TRMO: variants seen among roughly 807,000 people sequenced by gnomAD.
TRMO encodes tRNA (adenine(37)-N6)-methyltransferase.
A neutral mutation model predicts 37.2 loss-of-function variants in TRMO; 30 were observed. That is an observed-to-expected ratio of 0.81 (90% confidence interval 0.60 to 1.09). The LOEUF (loss-of-function observed/expected upper bound fraction) is 1.09, where lower values mean the gene tolerates loss of function less well. Among genes scored for constraint, TRMO ranks in the 50% least tolerant of loss-of-function variants. The probability of loss-of-function intolerance (pLI) is 0.00; values close to 1 mark genes in which losing one functional copy is unlikely to be tolerated. For synonymous variants in TRMO, 239 were observed against 199.4 expected (o/e 1.20, Z -1.67); for missense variants, 552 against 549.5 (o/e 1.00, Z -0.05).
downstream of TRMO, among the ~76,000 whole-genome samples, chr9:97,902,532 C>T (rs573702459): frequency 9.2e-5 from 14 of 152,242 alleles, no homozygotes; most frequent in African/African-American, 3.1e-4. Flanking sequence ...GAACTCCTGA[C>T]GTCAAATGAT....
At chr9:97,909,852 C>T (rs376231163) in intron 4 of TRMO, 108 bp downstream of exon 4, 2 of 781,016 alleles carry the variant, frequency 2.6e-6, no homozygotes, top group East Asian at 2.6e-5. Flanking sequence ...TCCTAAAAAC[C>T]AGTCATACTG....
At chr9:97,919,388 AAAG>A (rs1164345733) in intron 1 of TRMO, among the ~76,000 whole-genome samples, 1 of 152,020 alleles carries the variant, frequency 6.6e-6, no homozygotes, top group Admixed American at 6.5e-5. Flanking sequence ...AAAGAAAAGA[AAAG>A]AAAAGAGAAA....
chr9:97,914,751 T>C (rs1047108994), intron 2 of TRMO, among the ~76,000 whole-genome samples: 1 of 152,150 alleles, frequency 6.6e-6, no homozygotes, highest in Admixed American at 6.5e-5. Context: ...GAAGAAAACA[T>C]ACTTTTTTAA....
At chr9:97,913,145 G>A in intron 3 of TRMO, 1 of 475,996 alleles carries the variant, frequency 2.1e-6, no homozygotes, top group Non-Finnish European at 3.9e-6. Context: ...TGTGAAATTT[G>A]TGTTATTTCT....
Position 97,910,694 on chromosome 9 carries a change from A to C in TRMO, c.410-78T>G, listed in dbSNP as rs1826084947. 7 of 1,514,516 alleles carry C rather than the reference A, an allele frequency of 4.6e-6. No individual in the cohort carries two copies. The Admixed American group carries it at 1.1e-4, about 24-fold the overall frequency. The allele number at this position is 1,514,516 out of a possible 1,614,324, so 93.8% of individuals were successfully genotyped here. ...CAGTCACGCCCCAGAATCCTCTAAC[A>C]CTGTCTGCTTACGCCTCACTGCACT... On this transcript the variant is annotated intron_variant, in intron 3 of 4. Coordinates refer to ENST00000375119, the MANE Select transcript of TRMO (RefSeq NM_016481.5).
chr9:97,922,306 G>A (rs747848285), intron 1 of TRMO, 112 bp downstream of exon 1: 4 of 733,978 alleles, frequency 5.4e-6, no homozygotes, highest in Non-Finnish European at 9.1e-6. Context: ...GTAGGTAAAA[G>A]AATGACGCAC....
intron 1 of TRMO, among the ~76,000 whole-genome samples, chr9:97,919,091 T>C (rs948722679): frequency 2.0e-5 from 3 of 152,232 alleles, no homozygotes; most frequent in African/African-American, 7.2e-5. Context: ...TGTTCAAGTA[T>C]GTTTACAGGC....
downstream of TRMO, chr9:97,900,611 G>C (rs1463580553): frequency 5.8e-6 from 1 of 172,698 alleles, no homozygotes; most frequent in Non-Finnish European, 1.2e-5. Flanking sequence ...ACTCAGGCCA[G>C]ACTGGTGGGT....
chr9:97,902,344 A>G (rs1825692702), downstream of TRMO, among the ~76,000 whole-genome samples: 1 of 152,198 alleles, frequency 6.6e-6, no homozygotes, highest in Non-Finnish European at 1.5e-5. Context: ...TCTGTCGCCC[A>G]GGCTGGAGTG....
chr9:97,911,314 G>T (rs897987986), intron 3 of TRMO: 1 of 157,920 alleles, frequency 6.3e-6, no homozygotes, highest in Non-Finnish European at 1.4e-5. Context: ...GTAGGCAGGC[G>T]TGCTAGGAAG....
intron 4 of TRMO, among the ~76,000 whole-genome samples, chr9:97,907,671 C>T (rs188660255): frequency 1.3e-4 from 20 of 152,114 alleles, no homozygotes; most frequent in Non-Finnish European, 2.2e-4. Flanking sequence ...TCTGGGGATA[C>T]GGACATCAAG....
At chr9:97,914,555 A>G (rs536726583) in intron 2 of TRMO, among the ~76,000 whole-genome samples, 6 of 152,314 alleles carry the variant, frequency 3.9e-5, no homozygotes, top group South Asian at 2.1e-4. Context: ...ATAAAAATAC[A>G]TAAGTGGCCA....
At position 97,909,962 on chromosome 9, in the gene TRMO, T is replaced by C; in HGVS notation, c.1064A>G (p.Gln355Arg). ...CAGAATGAAGAAACTGAAGATACCTTGTGAACTGAGCTGCCCAAGGTCCAT... is the reference window on the plus strand; with the variant it reads ...CAGAATGAAGAAACTGAAGATACCTCGTGAACTGAGCTGCCCAAGGTCCAT... Reference protein sequence around the residue: ...AEMDLGQLSSQDVGQASFKYF... With the variant: ...AEMDLGQLSSRDVGQASFKYF... Residue 355 changes from glutamine (Q) to arginine (R), a missense_variant and splice_region_variant, in exon 4 of 5, where the codon CAA (glutamine) becomes CGA (arginine). Gln to Arg is a conservative substitution (Grantham distance 43). Coordinates refer to ENST00000375119, the MANE Select transcript of TRMO (RefSeq NM_016481.5). 1 of 1,526,076 alleles carries C rather than the reference T, an allele frequency of 6.6e-7. No individual in the cohort carries two copies. Among genetic ancestry groups the C allele is most frequent in the South Asian group, 1.3e-5 (1 of 77,004 alleles). 94.5% of individuals were successfully genotyped at this position (1,526,076 alleles called of 1,614,324 possible).
intron 3 of TRMO, chr9:97,912,229 T>C (rs549258944): frequency 5.9e-5 from 9 of 152,404 alleles, no homozygotes; most frequent in South Asian, 2.1e-4. Context: ...AAAGCTTATA[T>C]AGTAATGTCT....
chr9:97,921,615 G>A (rs1229410723), intron 1 of TRMO, among the ~76,000 whole-genome samples: 2 of 151,872 alleles, frequency 1.3e-5, no homozygotes, highest in African/African-American at 2.4e-5. Context: ...TAGTAGAGAC[G>A]AGGTTTCACC....
chr9:97,917,078 A>C (rs777558691), intron 1 of TRMO, among the ~76,000 whole-genome samples: 11 of 152,276 alleles, frequency 7.2e-5, no homozygotes, highest in Middle Eastern at 3.4e-3. Context: ...GGCGTGAGCC[A>C]TAGTGCTTGG....
rs372086299 is a variant in TRMO at position 97,922,458 on chromosome 9, T to C, written c.36A>G (p.Thr12=). The C allele has an allele frequency of 1.0e-5, 16 of 1,588,522 alleles. No individual in the cohort carries two copies. The Middle Eastern group carries it at 5.0e-4, about 49-fold the overall frequency. The change falls in exon 1 of 5, where the codon ACA becomes ACG. Residue 12 remains threonine (T), a synonymous_variant. Coordinates refer to ENST00000375119, the MANE Select transcript of TRMO (RefSeq NM_016481.5). ...RGLEESGPRP[T]ATPCGCVKPA... ...GCTTAACGCAGCCGCACGGGGTCGC[T>C]GTAGGCCGAGGCCCCGACTCCTCCA...
In TRMO at chr9:97,916,337, C is replaced by A; in HGVS notation, c.78G>T (p.Gly26=). 6.3e-7 allele frequency: 1 copy of A among 1,599,878 alleles called. No homozygotes were observed. Among genetic ancestry groups the A allele is most frequent in the East Asian group, 2.3e-5 (1 of 44,386 alleles). Residue 26 remains glycine, a splice_region_variant and synonymous_variant, in exon 2 of 5, where the codon GGG becomes GGT. Transcript: ENST00000375119. ...AGCCGACTGGCTCAGTTAAAAGATTCCCTACAGGAGAAAATTAGGTAAAAA... is the reference window on the plus strand; with the variant it reads ...AGCCGACTGGCTCAGTTAAAAGATTACCTACAGGAGAAAATTAGGTAAAAA... ...CGCVKPALET[G]NLLTEPVGYL...
In TRMO at chr9:97,904,858, C is replaced by G. The variant is rs1470970881; in HGVS notation, c.1201G>C (p.Val401Leu). 2 of 1,614,188 alleles carry G rather than the reference C, an allele frequency of 1.2e-6. No individual in the cohort carries two copies. The highest frequency in any genetic ancestry group is 1.7e-6 in the Non-Finnish European group (2 of 1,180,038). ...LCQDRLFYFTVDIAHVTCWFG... is the reference protein window; with the variant it reads ...LCQDRLFYFTLDIAHVTCWFG... The stretch of plus-strand genomic sequence containing the variant: ...CAGCAAGTGACATGCGCTATGTCTA[C>G]AGTAAAGTAGAAAAGGCGGTCCTGG... Residue 401 changes from valine (V) to leucine (L), a missense_variant, in exon 5 of 5, where the codon GTA (valine) becomes CTA (leucine). By Grantham distance (32) the Val-to-Leu change is conservative (BLOSUM62 1). Coordinates refer to ENST00000375119, the MANE Select transcript of TRMO (RefSeq NM_016481.5).
Sources: allele counts gnomAD v4.1 joint callset (sites outside exome capture counted in the v4.1 genomes callset), GRCh38; gene constraint gnomAD v4.1.1; transcripts MANE v1.5; gene names NCBI Gene and HGNC (gene_info 2026-07-23, HGNC 2026-07-21).